The following RANBP2 variants were observed in gnomAD, a reference collection of about 807,000 sequenced individuals.
RANBP2 encodes the protein RAN binding protein 2.
RANBP2 carries 57 observed loss-of-function variants against 303.6 expected under a neutral mutation model. That is an observed-to-expected ratio of 0.19 (90% confidence interval 0.15 to 0.23). The LOEUF (loss-of-function observed/expected upper bound fraction) is 0.23. Among genes scored for constraint, RANBP2 ranks in the 10% least tolerant of loss-of-function variants. The pLI is 1.00. For synonymous variants in RANBP2, 1,167 were observed against 1,301.5 expected, an observed-to-expected ratio of 0.90 and a Z score of 2.23; for missense variants, 3,138 against 3,780.8, an observed-to-expected ratio of 0.83 and a Z score of 4.46.
At chr2:109,133,778 T>C in the RANBP2 span, among the ~76,000 whole-genome samples, 1 of 151,850 alleles carries the variant, frequency 6.6e-6, no homozygotes, top group African/African-American at 2.4e-5. Context: ...GACTATTGAA[T>C]TATGGTGCAT....
the RANBP2 span, among the ~76,000 whole-genome samples, chr2:109,556,493 G>T: frequency 1.3e-5 from 2 of 152,174 alleles, no homozygotes; most frequent in African/African-American, 4.8e-5. Context: ...TGAGTTTGAG[G>T]CATGTACAGG....
chr2:108,804,264 A>G, the RANBP2 span, among the ~76,000 whole-genome samples: 1 of 152,228 alleles, frequency 6.6e-6, no homozygotes, highest in South Asian at 2.1e-4. Context: ...TTCACATTTA[A>G]AATCTAAAAC....
the RANBP2 span, among the ~76,000 whole-genome samples, chr2:109,306,441 A>C: frequency 6.6e-6 from 1 of 152,202 alleles, no homozygotes; most frequent in Admixed American, 6.5e-5. Flanking sequence ...CTGCCCTTGC[A>C]GGCAGGCTGC....
At chr2:109,079,547 TA>T in the RANBP2 span, among the ~76,000 whole-genome samples, 1 of 152,214 alleles carries the variant, frequency 6.6e-6, no homozygotes, top group African/African-American at 2.4e-5. Context: ...TAAAATATTT[TA>T]AAAACAAACC....
At chr2:109,715,427 C>T in the RANBP2 span, among the ~76,000 whole-genome samples, 1 of 152,134 alleles carries the variant, frequency 6.6e-6, no homozygotes, top group Non-Finnish European at 1.5e-5. Flanking sequence ...TAGAGTGGCT[C>T]ACAGAACTCA....
the RANBP2 span, among the ~76,000 whole-genome samples, chr2:108,932,267 A>T: frequency 0.011 from 1,692 of 152,112 alleles, 34 homozygotes; most frequent in African/African-American, 0.038. Flanking sequence ...GGTGGCTCAC[A>T]CCTGTAATCC....
chr2:109,067,996 C>T, the RANBP2 span, among the ~76,000 whole-genome samples: 1 of 152,224 alleles, frequency 6.6e-6, no homozygotes, highest in African/African-American at 2.4e-5. Context: ...TGTTCCTTCT[C>T]CTGGAATGCA....
At chr2:108,751,485 G>C (rs1443733929) in intron 10 of RANBP2, 40 bp downstream of exon 10, 3 of 1,611,736 alleles carry the variant, frequency 1.9e-6, no homozygotes, top group Admixed American at 1.7e-5. Flanking sequence ...TCTGAATTTT[G>C]TTTAATTTTT....
At chr2:108,846,596 G>T in the RANBP2 span, 1 of 620,944 alleles carries the variant, frequency 1.6e-6, no homozygotes, top group Non-Finnish European at 2.8e-6. Flanking sequence ...AGGATTGCTT[G>T]AGCCCAGGAG....
chr2:109,304,930 G>A, the RANBP2 span, among the ~76,000 whole-genome samples: 28 of 152,194 alleles, frequency 1.8e-4, no homozygotes, highest in Non-Finnish European at 1.8e-4. Flanking sequence ...GCTCGGTTGG[G>A]TTTCTGTCCT....
chr2:109,258,461 C>T, the RANBP2 span, among the ~76,000 whole-genome samples: 3 of 152,188 alleles, frequency 2.0e-5, no homozygotes, highest in African/African-American at 7.2e-5. Context: ...TCCTCGGGCC[C>T]TCAGCACAGC....
the RANBP2 span, among the ~76,000 whole-genome samples, chr2:108,912,280 T>C: frequency 6.6e-6 from 1 of 152,186 alleles, no homozygotes; most frequent in Non-Finnish European, 1.5e-5. Context: ...AAATGTACAT[T>C]CTGCAAGTTA....
the RANBP2 span, among the ~76,000 whole-genome samples, chr2:109,476,038 G>A: frequency 4.6e-5 from 7 of 152,350 alleles, no homozygotes; most frequent in Non-Finnish European, 1.0e-4. Flanking sequence ...GAGATCGGCT[G>A]TGCCCAGAGT....
At chr2:108,899,845 G>A in the RANBP2 span, among the ~76,000 whole-genome samples, 4 of 152,100 alleles carry the variant, frequency 2.6e-5, no homozygotes, top group African/African-American at 9.7e-5. Flanking sequence ...AAACACATTG[G>A]CGTGGTAGTG....
the RANBP2 span, among the ~76,000 whole-genome samples, chr2:109,533,805 G>T: frequency 4.6e-5 from 7 of 152,156 alleles, no homozygotes; most frequent in African/African-American, 1.7e-4. Flanking sequence ...GATTTCTCCA[G>T]CTCCTGATAT....
At chr2:108,723,466 G>A (rs1694445292) in intron 1 of RANBP2, among the ~76,000 whole-genome samples, 2 of 151,756 alleles carry the variant, frequency 1.3e-5, no homozygotes, top group South Asian at 2.1e-4. Flanking sequence ...TAGTAGAGAC[G>A]GGGTTTCACC....
At chr2:109,376,377 G>A in the RANBP2 span, among the ~76,000 whole-genome samples, 2 of 152,254 alleles carry the variant, frequency 1.3e-5, no homozygotes, top group African/African-American at 2.4e-5. Flanking sequence ...GCTCGGGTTG[G>A]AGAGACTTGG....
the RANBP2 span, among the ~76,000 whole-genome samples, chr2:109,148,212 A>G: frequency 6.6e-6 from 1 of 152,194 alleles, no homozygotes; most frequent in Non-Finnish European, 1.5e-5. Flanking sequence ...TCTAGGACTC[A>G]GGCAAATTGG....
chr2:109,030,456 A>ATAG, the RANBP2 span, among the ~76,000 whole-genome samples: 2 of 152,240 alleles, frequency 1.3e-5, no homozygotes, highest in African/African-American at 4.8e-5. Flanking sequence ...GATAATGTGT[A>ATAG]TAGTAGCACC....
Sources: allele counts gnomAD v4.1 joint callset (sites outside exome capture counted in the v4.1 genomes callset), GRCh38; gene constraint gnomAD v4.1.1; transcripts MANE v1.5; gene names NCBI Gene and HGNC (gene_info 2026-07-23, HGNC 2026-07-21).